The following KLF8 variants were observed in gnomAD, a reference collection of about 807,000 sequenced individuals.
KLF8 encodes Krueppel-like factor 8.
A neutral mutation model predicts 18.2 loss-of-function variants in KLF8; 10 were observed. That is an observed-to-expected ratio of 0.55 (90% confidence interval 0.34 to 0.93). KLF8 has a LOEUF of 0.93. KLF8 is among the 40% of genes least tolerant of loss of function. The pLI is 0.02. For synonymous variants in KLF8, 109 were observed against 97.3 expected, an observed-to-expected ratio of 1.12 and a Z score of -0.71; for missense variants, 264 against 277.9, an observed-to-expected ratio of 0.95 and a Z score of 0.36.
At chrX:56,167,704 C>T in the KLF8 span, among the ~76,000 whole-genome samples, 2 of 111,827 alleles carry the variant, frequency 1.8e-5, no homozygotes, top group African/African-American at 6.5e-5. Flanking sequence ...ATGACAGGCA[C>T]TGTGGCTGAA....
At chrX:56,133,343 A>T in the KLF8 span, among the ~76,000 whole-genome samples, 3 of 112,352 alleles carry the variant, frequency 2.7e-5, no homozygotes, top group African/African-American at 9.7e-5. Flanking sequence ...CATTCCAGGG[A>T]TGCAGGGATG....
chrX:56,187,253 A>G, the KLF8 span, among the ~76,000 whole-genome samples: 1 of 112,072 alleles, frequency 8.9e-6, no homozygotes, highest in East Asian at 2.8e-4. Context: ...ACCTCTACGC[A>G]AATAAACTAG....
the KLF8 span, among the ~76,000 whole-genome samples, chrX:55,989,935 G>A: frequency 9.0e-6 from 1 of 111,069 alleles, no homozygotes; most frequent in Admixed American, 9.5e-5. Context: ...GTCTTGGGGG[G>A]GTGTATGTGT....
the KLF8 span, among the ~76,000 whole-genome samples, chrX:56,149,911 T>C: frequency 2.7e-5 from 3 of 110,881 alleles, no homozygotes; most frequent in Admixed American, 2.9e-4. Flanking sequence ...AGCCTTTGCT[T>C]TTTTACATTT....
chrX:56,105,089 G>A, the KLF8 span, among the ~76,000 whole-genome samples: 3 of 111,828 alleles, frequency 2.7e-5, no homozygotes, highest in African/African-American at 9.7e-5. Context: ...ACAGTTTGTT[G>A]TGATTTGTGT....
the KLF8 span, among the ~76,000 whole-genome samples, chrX:56,103,945 C>T: frequency 9.0e-6 from 1 of 111,177 alleles, no homozygotes; most frequent in Non-Finnish European, 1.9e-5. Flanking sequence ...TTGTCAAAGG[C>T]CTTTTCTGCA....
At chrX:56,077,868 A>T in the KLF8 span, among the ~76,000 whole-genome samples, 1 of 110,142 alleles carries the variant, frequency 9.1e-6, no homozygotes, top group Non-Finnish European at 1.9e-5. Flanking sequence ...GTCCCTTGTA[A>T]GTTGAATTCC....
the KLF8 span, among the ~76,000 whole-genome samples, chrX:56,181,900 C>A: frequency 9.2e-6 from 1 of 108,675 alleles, no homozygotes; most frequent in African/African-American, 3.4e-5. Context: ...AACATTTTTT[C>A]CTTCATTTTA....
chrX:56,081,752 A>T, the KLF8 span, among the ~76,000 whole-genome samples: 4 of 111,890 alleles, frequency 3.6e-5, no homozygotes, highest in African/African-American at 1.3e-4. Context: ...AATGTGATGT[A>T]TTACATTGAT....
At chrX:56,015,248 G>T in the KLF8 span, 3 of 111,703 alleles carry the variant, frequency 2.7e-5, no homozygotes, top group African/African-American at 9.8e-5. Context: ...CATATCTACA[G>T]TACGTCAGAT....
chrX:56,069,947 C>G, the KLF8 span, among the ~76,000 whole-genome samples: 3 of 112,816 alleles, frequency 2.7e-5, no homozygotes, highest in African/African-American at 9.6e-5. Flanking sequence ...AAGACACATG[C>G]ACACATATGT....
At chrX:56,242,315 T>G (rs2066557384) in intron 1 of KLF8, among the ~76,000 whole-genome samples, 1 of 112,497 alleles carries the variant, frequency 8.9e-6, no homozygotes, top group South Asian at 3.7e-4. Flanking sequence ...AGAATGGAGA[T>G]AAAGATATCA....
chrX:56,169,290 A>G, the KLF8 span, among the ~76,000 whole-genome samples: 4 of 110,844 alleles, frequency 3.6e-5, no homozygotes, highest in African/African-American at 1.3e-4. Context: ...ACAGGAAGAC[A>G]CTCTTTTTGC....
the KLF8 span, among the ~76,000 whole-genome samples, chrX:56,151,003 A>G: frequency 9.0e-6 from 1 of 111,727 alleles, no homozygotes; most frequent in Non-Finnish European, 1.9e-5. Flanking sequence ...CTAAACCAGG[A>G]CAGAGCAGCA....
At chrX:56,227,631 C>T (rs777507398), upstream of KLF8, among the ~76,000 whole-genome samples, 31 of 111,833 alleles carry the variant, frequency 2.8e-4, no homozygotes, top group African/African-American at 7.8e-4. Context: ...GCGTGAGCCA[C>T]GGTGCCCAGC....
the KLF8 span, among the ~76,000 whole-genome samples, chrX:55,929,349 T>C: frequency 8.9e-6 from 1 of 112,449 alleles, no homozygotes; most frequent in African/African-American, 3.2e-5. Context: ...TTTCTTTTGC[T>C]GTGTAGAAGC....
At chrX:56,023,050 T>C in the KLF8 span, among the ~76,000 whole-genome samples, 1 of 111,595 alleles carries the variant, frequency 9.0e-6, no homozygotes, top group Non-Finnish European at 1.9e-5. Flanking sequence ...AAGATGTCCA[T>C]AAGTGTGTTA....
At chrX:56,179,484 C>G in the KLF8 span, among the ~76,000 whole-genome samples, 1 of 112,026 alleles carries the variant, frequency 8.9e-6, no homozygotes, top group African/African-American at 3.2e-5. Flanking sequence ...ACCTTTATTT[C>G]TTTCTCCTGC....
the KLF8 span, among the ~76,000 whole-genome samples, chrX:56,145,086 C>G: frequency 9.0e-6 from 1 of 111,111 alleles, no homozygotes; most frequent in South Asian, 3.9e-4. Context: ...AGCCACAGCG[C>G]CCAGCCAGAA....
Sources: gnomAD v4.1 joint callset for allele counts (sites outside exome capture counted in the v4.1 genomes callset) on GRCh38, gnomAD v4.1.1 for gene constraint, MANE v1.5 for transcripts, NCBI Gene and HGNC (gene_info 2026-07-23, HGNC 2026-07-21) for gene names.